Variants in USP48 observed in about 807,000 individuals in gnomAD.
USP48 encodes ubiquitin specific peptidase 48.
In USP48, 43 loss-of-function variants were observed where a neutral mutation model predicts 150.7. The observed-to-expected ratio is 0.29, with a 90% confidence interval of 0.22 to 0.37. The LOEUF (loss-of-function observed/expected upper bound fraction) is 0.37, where lower values mean the gene tolerates loss of function less well. Among genes scored for constraint, USP48 ranks in the 10% least tolerant of loss-of-function variants. The probability of loss-of-function intolerance (pLI) is 1.00; values close to 1 mark genes in which losing one functional copy is unlikely to be tolerated. For synonymous variants in USP48, 396 were observed against 425.9 expected, an observed-to-expected ratio of 0.93 and a Z score of 0.86; for missense variants, 813 against 1,249.6, an observed-to-expected ratio of 0.65 and a Z score of 5.27.
intron 22 of USP48, among the ~76,000 whole-genome samples, chr1:21,700,269 A>G (rs2097651502): frequency 6.6e-6 from 1 of 152,118 alleles, no homozygotes; most frequent in Admixed American, 6.5e-5. Flanking sequence ...GACAACTTAA[A>G]GAGTGGCTGA....
At position 21,703,585 on chromosome 1, in the gene USP48, C is replaced by T. The variant is rs1429064053; in HGVS notation, c.2549G>A (p.Cys850Tyr). 1 of 1,609,826 alleles carries T rather than the reference C, an allele frequency of 6.2e-7. No homozygotes were observed. The highest frequency in any genetic ancestry group is 1.3e-5 in the African/African-American group (1 of 74,430). ...TTCACGCAGGTCCCTCTGCTGCTGA[C>T]ACAATAAGCCTTCTCTGCATTCTGG... ...LCPECREGLL[C>Y]QQQRDLREYT... is the part of the protein sequence containing the mutation. Residue 850 changes from cysteine to tyrosine, a missense_variant, in exon 21 of 27, where the codon TGT (cysteine) becomes TAT (tyrosine). Physicochemically the swap from Cys to Tyr is radical, Grantham distance 194. Transcript: ENST00000308271.
At chr1:21,707,087 C>T (rs989382049) in intron 15 of USP48, among the ~76,000 whole-genome samples, 2 of 152,066 alleles carry the variant, frequency 1.3e-5, no homozygotes, top group African/African-American at 4.8e-5. Context: ...AATTTTACGT[C>T]CTTAATCTAG....
At chr1:21,721,385 G>A (rs2097720527) in intron 13 of USP48, among the ~76,000 whole-genome samples, 1 of 152,112 alleles carries the variant, frequency 6.6e-6, no homozygotes, top group African/African-American at 2.4e-5. Flanking sequence ...ATATTATCCT[G>A]CTTTTCCTAC....
At chr1:21,761,228 T>C (rs2097849296) in intron 1 of USP48, among the ~76,000 whole-genome samples, 1 of 152,142 alleles carries the variant, frequency 6.6e-6, no homozygotes, top group Non-Finnish European at 1.5e-5. Flanking sequence ...GGAAACAACC[T>C]TATCGGCAAA....
intron 24 of USP48, among the ~76,000 whole-genome samples, chr1:21,688,514 C>T (rs529441316): frequency 1.2e-4 from 18 of 151,666 alleles, no homozygotes; most frequent in African/African-American, 3.9e-4. Context: ...CCACTGCGCC[C>T]AGTGAAAGTA....
intron 8 of USP48, among the ~76,000 whole-genome samples, chr1:21,744,560 G>C (rs1233233490): frequency 6.6e-6 from 1 of 151,774 alleles, no homozygotes; most frequent in Non-Finnish European, 1.5e-5. Context: ...CAGATCACTT[G>C]AGGTCAGGAG....
chr1:21,705,843 C>A lies in USP48; in HGVS notation c.2274-6G>T. The A allele has an allele frequency of 6.3e-7, 1 of 1,584,630 alleles. No individual in the cohort carries two copies. The highest frequency in any genetic ancestry group is 1.2e-5 in the South Asian group (1 of 84,474). On this transcript the variant is annotated splice_polypyrimidine_tract_variant and splice_region_variant and intron_variant, in intron 18 of 26. Coordinates refer to ENST00000308271, the MANE Select transcript of USP48 (RefSeq NM_032236.8). ...GGCTGCATCTTGTAGGCTTTCTACT[C>A]AAATGAGACAAGGAGGAGAAATATA... is the stretch of plus-strand genomic sequence containing the variant.
chr1:21,761,018 C>T (rs758699533), intron 1 of USP48, among the ~76,000 whole-genome samples: 148 of 151,146 alleles, frequency 9.8e-4, no homozygotes, highest in Admixed American at 1.7e-3. Flanking sequence ...TGCTTGAGCC[C>T]AGCAGGGTGA....
intron 1 of USP48, among the ~76,000 whole-genome samples, chr1:21,762,936 A>C (rs1340092296): frequency 1.3e-5 from 2 of 152,050 alleles, no homozygotes; most frequent in African/African-American, 4.8e-5. Context: ...TGTCAAACAC[A>C]GACATCATTC....
At chr1:21,726,783 T>G (rs1381437292) in intron 11 of USP48, among the ~76,000 whole-genome samples, 2 of 152,132 alleles carry the variant, frequency 1.3e-5, no homozygotes, top group East Asian at 3.9e-4. Context: ...TTCAGTAAAC[T>G]ACAAGCATTG....
intron 22 of USP48, among the ~76,000 whole-genome samples, chr1:21,696,571 A>G (rs2097632197): frequency 6.6e-6 from 1 of 152,234 alleles, no homozygotes; most frequent in South Asian, 2.1e-4. Context: ...TGTTCAAGAC[A>G]TATCTGAGTA....
chr1:21,750,864 A>G (rs2097810433), intron 6 of USP48, among the ~76,000 whole-genome samples: 1 of 151,786 alleles, frequency 6.6e-6, no homozygotes, highest in Admixed American at 6.6e-5. Flanking sequence ...CCTGGGCAAC[A>G]AGAGAGAAAC....
At chr1:21,760,724 AT>A (rs2097847927) in intron 1 of USP48, among the ~76,000 whole-genome samples, 1 of 152,010 alleles carries the variant, frequency 6.6e-6, no homozygotes. Context: ...CTCAAAAAAA[AT>A]AAAAATAAAA....
chr1:21,743,202 G>A (rs1187797321), intron 8 of USP48, among the ~76,000 whole-genome samples: 3 of 152,122 alleles, frequency 2.0e-5, no homozygotes, highest in Non-Finnish European at 2.9e-5. Context: ...AAAAGGAAAG[G>A]AGGCTGAAGA....
At position 21,732,047 on chromosome 1, in the gene USP48, A is replaced by G. The variant is rs190132227; in HGVS notation, c.1172-2215T>C. Among the ~76,000 whole-genome samples, 90 of 152,280 alleles carry G rather than the reference A, an allele frequency of 5.9e-4. 1 individual carries two copies. The highest frequency in any genetic ancestry group is 8.8e-5 in the Non-Finnish European group (6 of 68,026). ...AACTTTCCGAGAGGTAAGGGATTAT[A>G]GCGGCGGATCATTTGAGATCAGGAA... On this transcript the variant is annotated intron_variant, in intron 9 of 26. Coordinates refer to ENST00000308271, the MANE Select transcript of USP48 (RefSeq NM_032236.8).
chr1:21,694,601 AAAAAAACC>A (rs2097619061), intron 23 of USP48, among the ~76,000 whole-genome samples: 2 of 69,968 alleles, frequency 2.9e-5, no homozygotes, highest in African/African-American at 9.2e-5. Context: ...AAAAAAAAAA[AAAAAAACC>A]CCCTCTATCT....
chr1:21,751,369 G>A (rs1219202196), intron 6 of USP48, 138 bp downstream of exon 6: 2 of 663,790 alleles, frequency 3.0e-6, no homozygotes, highest in South Asian at 2.1e-5. Flanking sequence ...AGTGTCTTCT[G>A]GATCATTACA....
rs776078570 is a variant in USP48 at position 21,783,020 on chromosome 1, G to T, written c.-63C>A. 9 of 1,443,012 alleles carry T rather than the reference G, an allele frequency of 6.2e-6. No individual in the cohort carries two copies. Among genetic ancestry groups the T allele is most frequent in the Non-Finnish European group, 7.2e-6 (8 of 1,108,954 alleles). 89.4% of individuals were successfully genotyped at this position (1,443,012 alleles called of 1,614,324 possible). ...CGCAGCCGCCGCCGCGGTCTGCACC[G>T]CCGCCCCAATGGGCTTCGCCACCTG... On this transcript the variant is annotated 5_prime_UTR_variant, in exon 1 of 27. Transcript: ENST00000308271.
intron 1 of USP48, among the ~76,000 whole-genome samples, chr1:21,759,231 C>G (rs2097844444): frequency 6.8e-6 from 1 of 146,434 alleles, no homozygotes; most frequent in Non-Finnish European, 1.5e-5. Flanking sequence ...GACAGGAACC[C>G]TAAATTCAAA....
Sources: allele counts gnomAD v4.1 joint callset (sites outside exome capture counted in the v4.1 genomes callset), GRCh38; gene constraint gnomAD v4.1.1; transcripts MANE v1.5; gene names NCBI Gene and HGNC (gene_info 2026-07-23, HGNC 2026-07-21).